ENKUR: variants seen among roughly 807,000 people sequenced by gnomAD.
ENKUR encodes enkurin, TRPC channel interacting protein.
Under a neutral mutation model 27.6 loss-of-function variants are expected in ENKUR, and 19 were observed. The observed-to-expected ratio is 0.69, with a 90% CI of 0.48 to 1.01. ENKUR has a LOEUF of 1.01. Ranked by LOEUF, ENKUR falls within the 50% of genes least tolerant of loss-of-function variation. The probability of loss-of-function intolerance (pLI) is 0.00; values close to 1 mark genes in which losing one functional copy is unlikely to be tolerated. For missense variants in ENKUR, 312 were observed against 310.5 expected (o/e 1.00, Z -0.04); for synonymous variants, 117 against 96.9 (o/e 1.21, Z -1.22).
At chr10:25,058,890 C>G (rs1189915308) in intron 2 of ENKUR, among the ~76,000 whole-genome samples, 2 of 148,986 alleles carry the variant, frequency 1.3e-5, no homozygotes, top group African/African-American at 5.0e-5. Flanking sequence ...GAAATTGTGC[C>G]ACTGCACTCC....
chr10:25,056,575 A>C (rs1286482221), intron 2 of ENKUR, among the ~76,000 whole-genome samples: 1 of 152,220 alleles, frequency 6.6e-6, no homozygotes, highest in Non-Finnish European at 1.5e-5. Flanking sequence ...AATTGTAAGT[A>C]GGTATGAAGA....
intron 2 of ENKUR, among the ~76,000 whole-genome samples, chr10:25,041,695 C>T (rs1851066193): frequency 6.6e-6 from 1 of 152,146 alleles, no homozygotes; most frequent in Non-Finnish European, 1.5e-5. Flanking sequence ...CTTATGAGCT[C>T]ACCCAGTGAT....
chr10:25,044,703 G>A (rs1232396591), intron 2 of ENKUR, among the ~76,000 whole-genome samples: 1 of 152,190 alleles, frequency 6.6e-6, no homozygotes, highest in Non-Finnish European at 1.5e-5. Flanking sequence ...TGTTGGGTCA[G>A]GTCTTAAACT....
chr10:24,990,576 G>T lies in ENKUR; in HGVS notation c.481C>A (p.Arg161=). The change falls in exon 4 of 6, where the codon CGA becomes AGA. Residue 161 remains arginine, a synonymous_variant. Transcript: ENST00000331161. The part of the protein sequence containing the change: ...YGVTPEYICK[R]NEEIKKAQED... ...TGGGCTTTCTTTATTTCCTCGTTTCGCTTACATATGTATTCAGGTGTGACA... is the reference window on the plus strand; with the variant it reads ...TGGGCTTTCTTTATTTCCTCGTTTCTCTTACATATGTATTCAGGTGTGACA... 1 of 1,612,668 alleles carries T rather than the reference G, an allele frequency of 6.2e-7. No individual in the cohort carries two copies. Among genetic ancestry groups the T allele is most frequent in the Non-Finnish European group, 8.5e-7 (1 of 1,179,698 alleles).
chr10:25,041,907 T>C (rs1217537183), intron 2 of ENKUR, among the ~76,000 whole-genome samples: 3 of 152,164 alleles, frequency 2.0e-5, no homozygotes, highest in East Asian at 3.8e-4. Flanking sequence ...AAAAAATGCA[T>C]GACAAACTAA....
intron 1 of ENKUR, among the ~76,000 whole-genome samples, chr10:25,014,421 C>T (rs1190568698): frequency 6.6e-6 from 1 of 152,006 alleles, no homozygotes; most frequent in Non-Finnish European, 1.5e-5. Context: ...ATCACTCCAA[C>T]AGCACCAAGA....
chr10:25,013,614 G>T (rs2132725603), intron 1 of ENKUR, among the ~76,000 whole-genome samples: 1 of 152,314 alleles, frequency 6.6e-6, no homozygotes, highest in South Asian at 2.1e-4. Context: ...GGAAAGAGGG[G>T]ATGACTGGAG....
At chr10:25,041,902 A>G (rs1253994526) in intron 2 of ENKUR, among the ~76,000 whole-genome samples, 1 of 152,214 alleles carries the variant, frequency 6.6e-6, no homozygotes. Context: ...GAAACAAAAA[A>G]TGCATGACAA....
At chr10:25,012,821 G>A (rs1466622394) in intron 1 of ENKUR, among the ~76,000 whole-genome samples, 1 of 152,200 alleles carries the variant, frequency 6.6e-6, no homozygotes, top group East Asian at 1.9e-4. Flanking sequence ...TTGGGGGACT[G>A]TTGGGAAGGT....
intron 2 of ENKUR, chr10:25,026,566 T>C (rs1850856903): frequency 6.0e-6 from 1 of 166,480 alleles, no homozygotes; most frequent in Non-Finnish European, 1.5e-5. Flanking sequence ...GATACACATA[T>C]TTAATTTGTA....
chr10:25,029,864 CT>C (rs1850914600), intron 2 of ENKUR, among the ~76,000 whole-genome samples: 1 of 152,196 alleles, frequency 6.6e-6, no homozygotes, highest in African/African-American at 2.4e-5. Context: ...TCTGGCAATA[CT>C]TTGATCAGCT....
At chr10:25,005,221 A>T (rs1204198736) in intron 1 of ENKUR, among the ~76,000 whole-genome samples, 1 of 152,110 alleles carries the variant, frequency 6.6e-6, no homozygotes, top group Non-Finnish European at 1.5e-5. Context: ...TTTTCTATTT[A>T]TTATTAGAAT....
intron 2 of ENKUR, among the ~76,000 whole-genome samples, chr10:25,037,611 C>G (rs776387939): frequency 6.6e-6 from 1 of 152,128 alleles, no homozygotes; most frequent in Non-Finnish European, 1.5e-5. Context: ...GAACTTTTAC[C>G]TCCAAACATG....
intron 4 of ENKUR, among the ~76,000 whole-genome samples, chr10:24,988,858 G>A (rs140333215): frequency 2.6e-5 from 4 of 151,744 alleles, no homozygotes; most frequent in Admixed American, 2.0e-4. Context: ...GATTGTCATC[G>A]AACTACATGC....
intron 1 of ENKUR, among the ~76,000 whole-genome samples, chr10:25,004,698 C>T (rs12250135): frequency 0.067 from 10,219 of 152,170 alleles, 1,130 homozygotes; most frequent in African/African-American, 0.23. Context: ...CAAAAATTTT[C>T]TCCCATTCTG....
At chr10:25,032,417 T>C (rs1373532915) in intron 2 of ENKUR, among the ~76,000 whole-genome samples, 2 of 152,174 alleles carry the variant, frequency 1.3e-5, no homozygotes, top group Non-Finnish European at 2.9e-5. Flanking sequence ...CTCTCACCTA[T>C]GCCTAATATC....
intron 1 of ENKUR, among the ~76,000 whole-genome samples, chr10:25,006,808 C>T (rs75291014): frequency 0.026 from 4,021 of 152,250 alleles, 198 homozygotes; most frequent in African/African-American, 0.089. Context: ...ATTAAACTTA[C>T]GAGCTTTGGT....
chr10:24,988,411 T>C (rs546422395), intron 4 of ENKUR, among the ~76,000 whole-genome samples: 1 of 146,042 alleles, frequency 6.8e-6, no homozygotes, highest in African/African-American at 2.5e-5. Context: ...TGTGTATATA[T>C]ATTTATATAT....
chr10:25,041,543 T>C (rs1005472537), intron 2 of ENKUR, among the ~76,000 whole-genome samples: 2 of 152,216 alleles, frequency 1.3e-5, no homozygotes, highest in African/African-American at 4.8e-5. Flanking sequence ...GATGTTTTCA[T>C]GTTGTCAAAC....
Sources: allele counts gnomAD v4.1 joint callset (sites outside exome capture counted in the v4.1 genomes callset), GRCh38; gene constraint gnomAD v4.1.1; transcripts MANE v1.5; gene names NCBI Gene and HGNC (gene_info 2026-07-23, HGNC 2026-07-21).